Variants in CDHR4 observed in about 807,000 individuals in gnomAD.
The protein encoded by CDHR4 is cadherin-related family member 4.
A neutral mutation model predicts 88.4 loss-of-function variants in CDHR4; 89 were observed. The observed-to-expected ratio is 1.01, with a 90% CI of 0.85 to 1.20. CDHR4 has a LOEUF of 1.20. Ranked by LOEUF, CDHR4 falls within the 50% of genes most tolerant of loss-of-function variation. The pLI is 0.00. For missense variants in CDHR4, 914 were observed against 1,007.2 expected, an observed-to-expected ratio of 0.91 and a Z score of 1.25; for synonymous variants, 368 against 399.2, an observed-to-expected ratio of 0.92 and a Z score of 0.93.
At chr3:49,798,747 T>C (rs767850640) in intron 4 of CDHR4, 79 bp downstream of exon 4, 46 of 1,390,528 alleles carry the variant, frequency 3.3e-5, no homozygotes, top group Non-Finnish European at 4.4e-5. Context: ...AGGCTGTGCC[T>C]GGCCAGGTGG....
rs1199759196 is a variant in CDHR4, at chr3:49,795,924, C to T, written c.710+19G>A. ...CTAGGCCCTTCCTCCCTCACTGTTC[C>T]AGGGTAGGGGAGCCTTACAGGAAGG... On this transcript the variant is annotated intron_variant, in intron 6 of 18. Coordinates refer to ENST00000412678, the MANE Select transcript of CDHR4 (RefSeq NM_001007540.4). This position sits in a 1 kb window ranked among gnomAD's most constrained non-coding sequence, Gnocchi z 5.4. The T allele has an allele frequency of 2.0e-6, 3 of 1,525,446 alleles. No individual in the cohort carries two copies. The highest frequency in any genetic ancestry group is 1.3e-5 in the South Asian group (1 of 79,050). The allele number at this position is 1,525,446 out of a possible 1,614,324, so 94.5% of individuals were successfully genotyped here.
In CDHR4 at chr3:49,795,543, G is replaced by A; in HGVS notation, c.847+85C>T. On this transcript the variant is annotated intron_variant, in intron 7 of 18. Transcript: ENST00000412678. This position sits in a 1 kb window ranked among gnomAD's most constrained non-coding sequence, Gnocchi z 5.4. ...TTCTCCAAGACCAGGCCCCCAAACAGGAAGGTGAAGAGGTACTATGGGTCA... is the reference window on the plus strand; with the variant it reads ...TTCTCCAAGACCAGGCCCCCAAACAAGAAGGTGAAGAGGTACTATGGGTCA... The A allele has an allele frequency of 6.6e-7, 1 of 1,523,082 alleles. No individual in the cohort carries two copies. The highest frequency in any genetic ancestry group is 8.9e-7 in the Non-Finnish European group (1 of 1,129,554). 94.3% of individuals were successfully genotyped at this position (1,523,082 alleles called of 1,614,324 possible).
Position 49,790,848 on chromosome 3 carries a change from G to A in CDHR4, c.2351C>T (p.Ala784Val). The A allele has an allele frequency of 6.4e-7, 1 of 1,551,474 alleles. No individual in the cohort carries two copies. The highest frequency in any genetic ancestry group is 8.7e-7 in the Non-Finnish European group (1 of 1,146,874). The change falls in exon 19 of 19, where the codon GCC (alanine) becomes GTC (valine). Residue 784 changes from alanine (A) to valine (V), a missense_variant. Physicochemically the swap from Ala to Val is moderately conservative, Grantham distance 64 (BLOSUM62 0). Transcript: ENST00000412678. ...TACTTGGCCTCAGAGCCAGCGCCGG[G>A]CTCCTGTGTGTGTGTTAAACAGGTA... The part of the protein sequence containing the change: ...RDYLFNTHTG[A>V]RRWL
Position 49,795,837 on chromosome 3 carries a change from G to A in CDHR4, c.711-73C>T, listed in dbSNP as rs2081263493. 6.5e-7 allele frequency: 1 copy of A among 1,535,186 alleles called. No individual in the cohort carries two copies. Among genetic ancestry groups the A allele is most frequent in the Non-Finnish European group, 8.8e-7 (1 of 1,136,890 alleles). ...GTGGGTCCACAGCTTCCTTCCCTGGGCCCCCTCCTGTCAGGGCTGGGACTC... is the reference window on the plus strand; with the variant it reads ...GTGGGTCCACAGCTTCCTTCCCTGGACCCCCTCCTGTCAGGGCTGGGACTC... On this transcript the variant is annotated intron_variant, in intron 6 of 18. Coordinates refer to ENST00000412678, the MANE Select transcript of CDHR4 (RefSeq NM_001007540.4). This position sits in a 1 kb window ranked among gnomAD's most constrained non-coding sequence, Gnocchi z 5.4.
intron 10 of CDHR4, 59 bp from the exon 11 acceptor site, chr3:49,794,065 TC>T (rs1559725473): frequency 6.6e-7 from 1 of 1,505,682 alleles, no homozygotes; most frequent in African/African-American, 1.4e-5. Flanking sequence ...GAACTGGGGG[TC>T]TGAGGAGGGA....
At chr3:49,798,955 C>T (rs1479345105) in intron 3 of CDHR4, 38 bp from the exon 4 acceptor site, 1 of 1,611,210 alleles carries the variant, frequency 6.2e-7, no homozygotes. Context: ...CTGCTCAGGC[C>T]ATGCCTGCCC....
Position 49,794,644 on chromosome 3 carries a change from T to G in CDHR4, c.1243A>C (p.Ile415Leu), listed in dbSNP as rs552551358. ...PGACFQHAAS[I>L]LVLDGGQPQM... Reference sequence around the variant, plus strand: ...GGCTGGCCACCATCGAGCACCAGGATGGAGGCTGCATGCTGGAAGCAGGCT... The same window carrying G: ...GGCTGGCCACCATCGAGCACCAGGAGGGAGGCTGCATGCTGGAAGCAGGCT... Residue 415 changes from isoleucine to leucine, a missense_variant, in exon 10 of 19, where the codon ATC becomes CTC. By Grantham distance (5) the Ile-to-Leu change is conservative. Coordinates refer to ENST00000412678, the MANE Select transcript of CDHR4 (RefSeq NM_001007540.4). The G allele has an allele frequency of 1.9e-5, 30 of 1,551,120 alleles. No homozygotes were observed. Among genetic ancestry groups the G allele is most frequent in the Non-Finnish European group, 2.6e-5 (30 of 1,146,860 alleles).
Position 49,790,896 on chromosome 3 carries a change from G to T in CDHR4, c.2312-9C>A, listed in dbSNP as rs369708790. Reference sequence around the variant, plus strand: ...GTAGTCTCTTCCGGTACCTAAAACCGGTAGGAGAGAGAGGAGAGCAGGGGG... The same window carrying T: ...GTAGTCTCTTCCGGTACCTAAAACCTGTAGGAGAGAGAGGAGAGCAGGGGG... On this transcript the variant is annotated splice_polypyrimidine_tract_variant and intron_variant, in intron 18 of 18. Transcript: ENST00000412678. 1 of 1,550,104 alleles carries T rather than the reference G, an allele frequency of 6.5e-7. No individual in the cohort carries two copies.
chr3:49,794,687 C>G lies in CDHR4; in HGVS notation c.1200G>C (p.Leu400=), dbSNP rs377295673. The change falls in exon 10 of 19, where the codon CTG becomes CTC. Residue 400 remains leucine (L), a synonymous_variant. Transcript: ENST00000412678. ...AGCAGGCTCCAGGAGTGTCACAGTC[C>G]AGTGTGGCATTCACCTAGCCAAAGG... The part of the protein sequence containing the change: ...YDRVLEVNAT[L]DCDTPGACFQ... The G allele has an allele frequency of 1.9e-5, 30 of 1,551,144 alleles. No individual in the cohort carries two copies. The highest frequency in any genetic ancestry group is 3.4e-4 in the Middle Eastern group (2 of 5,966).
chr3:49,798,956 A>T, intron 3 of CDHR4, 38 bp downstream of exon 3: 3 of 1,611,324 alleles, frequency 1.9e-6, no homozygotes, highest in South Asian at 2.2e-5. Flanking sequence ...TGCTCAGGCC[A>T]TGCCTGCCCC....
At chr3:49,800,388 C>T (rs1180025111), upstream of CDHR4, among the ~76,000 whole-genome samples, 1 of 151,758 alleles carries the variant, frequency 6.6e-6, no homozygotes, top group African/African-American at 2.4e-5. Flanking sequence ...TGTGGTGATC[C>T]AGGCCTGTAG....
rs117006694 is a variant in CDHR4, at chr3:49,791,609, A to G, written c.2283+105T>C. ...CTAGTGTGGGCATTTCCACAAGGAT[A>G]CCCATTCATCGGAAAAGGGGCATGG... is the stretch of plus-strand genomic sequence containing the variant. On this transcript the variant is annotated intron_variant, in intron 17 of 18. Transcript: ENST00000412678. 404 of 1,469,556 alleles carry G rather than the reference A, an allele frequency of 2.7e-4. 5 individuals carry two copies. In the East Asian group the frequency reaches 9.6e-3, roughly 35 times the overall value. 91.0% of individuals were successfully genotyped at this position (1,469,556 alleles called of 1,614,324 possible). A position where few individuals can be genotyped will look rare whatever the true frequency, so the allele number is the denominator to read the frequency against.
In CDHR4 at chr3:49,793,988, A is replaced by G. The variant is rs886332690; in HGVS notation, c.1298T>C (p.Val433Ala). Residue 433 changes from valine to alanine, a missense_variant, in exon 11 of 19, where the codon GTG becomes GCG. Val to Ala is a moderately conservative substitution (Grantham distance 64, BLOSUM62 0). Transcript: ENST00000412678. The stretch of plus-strand genomic sequence containing the variant: ...GAACTCGTTGATGGGTGTCACCATC[A>G]CCAGTACCGGCACCTCAGCTGGAAG... Reference protein sequence around the residue: ...PQMTTEVPVLVMVTPINEFSP... With the variant: ...PQMTTEVPVLAMVTPINEFSP... 6.4e-7 allele frequency: 1 copy of G among 1,551,586 alleles called. No individual in the cohort carries two copies. Among genetic ancestry groups the G allele is most frequent in the Non-Finnish European group, 8.7e-7 (1 of 1,146,974 alleles).
intron 1 of CDHR4, 107 bp from the exon 2 acceptor site, chr3:49,799,544 A>T: frequency 1.6e-6 from 2 of 1,248,426 alleles, no homozygotes; most frequent in Non-Finnish European, 2.2e-6. Flanking sequence ...CCATGGGGCC[A>T]AGCAGCTAAG....
chr3:49,792,364 C>T, intron 15 of CDHR4, 104 bp downstream of exon 15: 3 of 1,403,246 alleles, frequency 2.1e-6, no homozygotes, highest in Non-Finnish European at 2.9e-6. Context: ...TCGTCACCCA[C>T]CTACTTGGGC....
chr3:49,799,548 A>C, intron 1 of CDHR4, 111 bp from the exon 2 acceptor site: 1 of 1,221,144 alleles, frequency 8.2e-7, no homozygotes, highest in Non-Finnish European at 1.1e-6. Context: ...GGGGCCAAGC[A>C]GCTAAGGCCT....
chr3:49,796,392 A>G (rs182593840), intron 5 of CDHR4, among the ~76,000 whole-genome samples: 4 of 151,878 alleles, frequency 2.6e-5, no homozygotes, highest in Non-Finnish European at 4.4e-5. Context: ...GTTGGAGCAC[A>G]GTGGTATGAT....
At chr3:49,797,167 T>TTTCCTTTCTTTCCTTCTCTCTCCTTCC in intron 4 of CDHR4, 135 bp from the exon 5 acceptor site, 13 of 590,772 alleles carry the variant, frequency 2.2e-5, no homozygotes, top group South Asian at 2.1e-4. Flanking sequence ...TCCTTCCTTC[T>TTTCCTTTCTTTCCTTCTCTCTCCTTCC]TTCCTTTCTT....
In CDHR4 at chr3:49,793,003, A is replaced by G; in HGVS notation, c.1846T>C (p.Trp616Arg). Residue 616 changes from tryptophan to arginine, a missense_variant, in exon 14 of 19, where the codon TGG (tryptophan) becomes CGG (arginine). Trp to Arg is a moderately radical substitution (Grantham distance 101). Transcript: ENST00000412678. ...TCATAGGTACGGGGCTGCTCTGGCC[A>G]GAACGGCCCCAACACAAGGTCACTG... ...VHSDLVLGPFWPEQPRTYELL... is the reference protein window; with the variant it reads ...VHSDLVLGPFRPEQPRTYELL... The G allele has an allele frequency of 6.4e-7, 1 of 1,551,708 alleles. No homozygotes were observed. Among genetic ancestry groups the G allele is most frequent in the Non-Finnish European group, 8.7e-7 (1 of 1,146,998 alleles).
Sources: gnomAD v4.1 joint callset for allele counts (sites outside exome capture counted in the v4.1 genomes callset) on GRCh38, gnomAD v4.1.1 for gene constraint, Gnocchi (gnomAD v3.1) non-coding constraint, MANE v1.5 for transcripts, NCBI Gene and HGNC (gene_info 2026-07-23, HGNC 2026-07-21) for gene names.